ECT2: variants seen among roughly 807,000 people sequenced by gnomAD.
ECT2 encodes protein ECT2.
A neutral mutation model predicts 116.9 loss-of-function variants in ECT2; 61 were observed. That is an observed-to-expected ratio of 0.52 (90% CI 0.42 to 0.65). The LOEUF (loss-of-function observed/expected upper bound fraction) is 0.65, where lower values mean the gene tolerates loss of function less well. Among genes scored for constraint, ECT2 ranks in the 30% least tolerant of loss-of-function variants. The pLI, the probability that ECT2 is intolerant of heterozygous loss-of-function variation, is 0.00. For synonymous variants in ECT2, 358 were observed against 346.4 expected, an observed-to-expected ratio of 1.03 and a Z score of -0.37; for missense variants, 937 against 1,078.7, an observed-to-expected ratio of 0.87 and a Z score of 1.84.
Position 172,805,879 on chromosome 3 carries a change from T to A in ECT2, c.2245+10T>A. ...ATAAGAGAGACAGAAGGTATGCCGG[T>A]CGGATACATTCTTGGTTATATAAAA... On this transcript the variant is annotated intron_variant, in intron 21 of 24. Coordinates refer to ENST00000392692, the MANE Select transcript of ECT2 (RefSeq NM_001258315.2). 2 of 1,610,748 alleles carry A rather than the reference T, an allele frequency of 1.2e-6. No individual in the cohort carries two copies. The highest frequency in any genetic ancestry group is 4.5e-5 in the East Asian group (2 of 44,808).
At chr3:172,775,687 G>T (rs1721528579) in intron 14 of ECT2, among the ~76,000 whole-genome samples, 1 of 150,860 alleles carries the variant, frequency 6.6e-6, no homozygotes, top group African/African-American at 2.4e-5. Flanking sequence ...AGGCTGGAGT[G>T]CAGTGGTGCG....
chr3:172,759,796 T>C (rs1341930370), intron 6 of ECT2, among the ~76,000 whole-genome samples: 1 of 152,154 alleles, frequency 6.6e-6, no homozygotes, highest in African/African-American at 2.4e-5. Context: ...TGATGGGTAT[T>C]ACTCTGATTT....
Position 172,815,986 on chromosome 3 carries a change from G to A in ECT2, c.2508+275G>A, listed in dbSNP as rs1032033058. The stretch of plus-strand genomic sequence containing the variant: ...CTGTTGGTGTTTTAGATTTAAATAT[G>A]TGTGCACTCATCTTAAATATATCGC... On this transcript the variant is annotated intron_variant, in intron 23 of 24. Transcript: ENST00000392692. Among the ~76,000 whole-genome samples the A allele has an allele frequency of 2.6e-5, 4 of 152,212 alleles. No homozygotes were observed. In the East Asian group the frequency reaches 7.7e-4, roughly 29 times the overall value.
intron 18 of ECT2, among the ~76,000 whole-genome samples, chr3:172,788,123 A>G (rs1343109171): frequency 6.6e-6 from 1 of 152,136 alleles, no homozygotes; most frequent in Non-Finnish European, 1.5e-5. Flanking sequence ...AGCCTTATAG[A>G]ATTTTACCAG....
chr3:172,819,567 A>C (rs907961829), intron 24 of ECT2, among the ~76,000 whole-genome samples: 2 of 152,044 alleles, frequency 1.3e-5, no homozygotes, highest in African/African-American at 4.8e-5. Context: ...TCTGGTCTCG[A>C]ACTCTTGGCC....
downstream of ECT2, among the ~76,000 whole-genome samples, chr3:172,822,186 A>G (rs888497854): frequency 1.1e-4 from 17 of 151,912 alleles, no homozygotes; most frequent in Admixed American, 1.0e-3. Context: ...ACTTACACTG[A>G]CAAGTTAAAG....
intron 18 of ECT2, among the ~76,000 whole-genome samples, chr3:172,799,406 G>A (rs1191835428): frequency 6.6e-6 from 1 of 152,116 alleles, no homozygotes; most frequent in Non-Finnish European, 1.5e-5. Context: ...CCTTTCCCAA[G>A]ACAATGAGGC....
intron 24 of ECT2, among the ~76,000 whole-genome samples, chr3:172,817,961 A>G (rs1488433655): frequency 6.6e-6 from 1 of 152,072 alleles, no homozygotes; most frequent in East Asian, 1.9e-4. Context: ...ATCTGTTTCA[A>G]TTTCGTTGTC....
rs940049016 is a variant in ECT2, at chr3:172,784,569, A to G, written c.1729-138A>G. ...CCCTGAAAAATTATTCAGCCAAGTA[A>G]TCAGCCACGGAGAAATTCCACTTCT... On this transcript the variant is annotated intron_variant, in intron 16 of 24. Coordinates refer to ENST00000392692, the MANE Select transcript of ECT2 (RefSeq NM_001258315.2). The G allele has an allele frequency of 8.0e-6, 5 of 621,714 alleles. No individual in the cohort carries two copies. The Admixed American group carries it at 1.1e-4, about 13-fold the overall frequency. 38.5% of individuals were successfully genotyped at this position (621,714 alleles called of 1,614,324 possible). A position where few individuals can be genotyped will look rare whatever the true frequency, so the allele number is the denominator to read the frequency against.
At chr3:172,796,036 G>A (rs1052783764) in intron 18 of ECT2, among the ~76,000 whole-genome samples, 1 of 152,132 alleles carries the variant, frequency 6.6e-6, no homozygotes, top group Non-Finnish European at 1.5e-5. Context: ...AAACCAGTGT[G>A]GGAGAGAGAG....
chr3:172,786,055 C>T lies in ECT2; in HGVS notation c.1826-438C>T, dbSNP rs374837736. ...AAATAACCTGGATTAGAAGAGTCAACGTGTTAAGTATAAATCTCTAAGGTA... is the reference window on the plus strand; with the variant it reads ...AAATAACCTGGATTAGAAGAGTCAATGTGTTAAGTATAAATCTCTAAGGTA... On this transcript the variant is annotated intron_variant, in intron 17 of 24. Transcript: ENST00000392692. 3.9e-5 allele frequency among the ~76,000 whole-genome samples: 6 copies of T among 152,204 alleles called. No homozygotes were observed. In the East Asian group the frequency reaches 5.8e-4, roughly 15 times the overall value.
At chr3:172,814,427 C>A (rs1370934893) in intron 22 of ECT2, among the ~76,000 whole-genome samples, 1 of 151,872 alleles carries the variant, frequency 6.6e-6, no homozygotes, top group Non-Finnish European at 1.5e-5. Context: ...TTCTCTGTCA[C>A]CACAGAATGA....
chr3:172,776,191 GTTTTTTC>G (rs1721652179), intron 14 of ECT2, among the ~76,000 whole-genome samples: 4 of 107,004 alleles, frequency 3.7e-5, no homozygotes, highest in East Asian at 2.5e-4. Context: ...TAGTTTTTCA[GTTTTTTC>G]TTTTTTTTTT....
Position 172,773,944 on chromosome 3 carries a change from A to C in ECT2, c.1470A>C (p.Gly490=). 1 of 1,613,240 alleles carries C rather than the reference A, an allele frequency of 6.2e-7. No individual in the cohort carries two copies. Among genetic ancestry groups the C allele is most frequent in the Non-Finnish European group, 8.5e-7 (1 of 1,179,248 alleles). ...TGGAAGAGGAAGGACAACGTGGTGG[A>C]CCTATCCTTGCACCAGAGGAGATTA... ...VPLEEEGQRG[G]PILAPEEIKT... is the part of the protein sequence containing the mutation. Residue 490 remains glycine, a synonymous_variant, in exon 14 of 25, where the codon GGA becomes GGC. Coordinates refer to ENST00000392692, the MANE Select transcript of ECT2 (RefSeq NM_001258315.2).
At chr3:172,805,584 A>C (rs1281456103) in intron 20 of ECT2, 147 bp from the exon 21 acceptor site, 2 of 750,582 alleles carry the variant, frequency 2.7e-6, no homozygotes, top group Non-Finnish European at 4.1e-6. Context: ...TTTGTTACAT[A>C]GTAACTCTGC....
chr3:172,751,728 T>C (rs1715884756), intron 1 of ECT2, among the ~76,000 whole-genome samples: 1 of 149,784 alleles, frequency 6.7e-6, no homozygotes, highest in East Asian at 1.9e-4. Flanking sequence ...AAAGGGGGCA[T>C]GTGTTATAGT....
At chr3:172,789,733 G>A (rs1724304877) in intron 18 of ECT2, among the ~76,000 whole-genome samples, 1 of 152,162 alleles carries the variant, frequency 6.6e-6, no homozygotes, top group Non-Finnish European at 1.5e-5. Context: ...ATCTTCACCA[G>A]GAGTAGATTC....
intron 24 of ECT2, among the ~76,000 whole-genome samples, chr3:172,819,366 C>G (rs1730333088): frequency 6.6e-6 from 1 of 152,104 alleles, no homozygotes; most frequent in African/African-American, 2.4e-5. Context: ...ATTCTTGAGT[C>G]TTTGCATGTT....
Position 172,761,618 on chromosome 3 carries a change from G to A in ECT2, c.693G>A (p.Val231=). Reference sequence around the variant, plus strand: ...AATGTTTATATTTTTAGGTTGCTGTGAGTCTAGGTACTCCAATTATGAAGC... The same window carrying A: ...AATGTTTATATTTTTAGGTTGCTGTAAGTCTAGGTACTCCAATTATGAAGC... ...CTQGEKFRVA[V]SLGTPIMKPE... Residue 231 remains valine (V), a synonymous_variant, in exon 8 of 25, where the codon GTG becomes GTA. Transcript: ENST00000392692. 1 of 1,608,586 alleles carries A rather than the reference G, an allele frequency of 6.2e-7. No homozygotes were observed. The highest frequency in any genetic ancestry group is 8.5e-7 in the Non-Finnish European group (1 of 1,176,070).
Sources: gnomAD v4.1 joint callset for allele counts (sites outside exome capture counted in the v4.1 genomes callset) on GRCh38, gnomAD v4.1.1 for gene constraint, MANE v1.5 for transcripts, NCBI Gene and HGNC (gene_info 2026-07-23, HGNC 2026-07-21) for gene names.